The following KCNB2 variants were observed in gnomAD, a reference collection of about 807,000 sequenced individuals.
KCNB2 encodes the protein delayed rectifier potassium channel protein.
A neutral mutation model predicts 61.5 loss-of-function variants in KCNB2; 15 were observed. The observed-to-expected ratio is 0.24, with a 90% CI of 0.16 to 0.38. The LOEUF (loss-of-function observed/expected upper bound fraction) is 0.38. Among genes scored for constraint, KCNB2 ranks in the 10% least tolerant of loss-of-function variants. The probability of loss-of-function intolerance (pLI) is 1.00; values close to 1 mark genes in which losing one functional copy is unlikely to be tolerated. For synonymous variants in KCNB2, 457 were observed against 446.0 expected (o/e 1.02, Z -0.31); for missense variants, 828 against 1,125.2 (o/e 0.74, Z 3.78).
intron 2 of KCNB2, among the ~76,000 whole-genome samples, chr8:72,613,305 T>C (rs533281719): frequency 1.3e-5 from 2 of 152,316 alleles, no homozygotes; most frequent in East Asian, 3.9e-4. Context: ...GGCGATCACA[T>C]CTGGCCTCTG....
chr8:72,649,644 G>A (rs1806184119), intron 2 of KCNB2, among the ~76,000 whole-genome samples: 1 of 152,094 alleles, frequency 6.6e-6, no homozygotes, highest in African/African-American at 2.4e-5. Flanking sequence ...TCATCAATGA[G>A]AATAGATACT....
intron 2 of KCNB2, among the ~76,000 whole-genome samples, chr8:72,891,026 G>C (rs1278451636): frequency 6.6e-6 from 1 of 152,114 alleles, no homozygotes; most frequent in Non-Finnish European, 1.5e-5. Flanking sequence ...TTACATAAGC[G>C]AAGACTGAAT....
intron 2 of KCNB2, among the ~76,000 whole-genome samples, chr8:72,715,087 G>T (rs542745138): frequency 3.3e-5 from 5 of 152,278 alleles, no homozygotes; most frequent in Admixed American, 6.5e-5. Flanking sequence ...ATGGTAAAGG[G>T]ATCAATTCAA....
chr8:72,936,234 C>T lies in KCNB2; in HGVS notation c.879C>T (p.Phe293=). The T allele has an allele frequency of 6.2e-7, 1 of 1,614,236 alleles. No individual in the cohort carries two copies. Among genetic ancestry groups the T allele is most frequent in the African/African-American group, 1.3e-5 (1 of 75,068 alleles). Residue 293 remains phenylalanine, a synonymous_variant, in exon 3 of 3, where the codon TTC becomes TTT. Coordinates refer to ENST00000523207, the MANE Select transcript of KCNB2 (RefSeq NM_004770.3). The surrounding 1 kb of genome is among the most constrained non-coding windows in gnomAD (Gnocchi z 5.6). ...LTESNKSVLQ[F]QNVRRVVQIF... is the part of the protein sequence containing the mutation. ...AGTCCAACAAGAGCGTGCTGCAGTTCCAAAACGTGAGGCGCGTGGTCCAGA... is the reference window on the plus strand; with the variant it reads ...AGTCCAACAAGAGCGTGCTGCAGTTTCAAAACGTGAGGCGCGTGGTCCAGA...
At chr8:72,540,158 A>G (rs537816615) in intron 1 of KCNB2, among the ~76,000 whole-genome samples, 5 of 152,308 alleles carry the variant, frequency 3.3e-5, no homozygotes, top group African/African-American at 1.2e-4. Flanking sequence ...TTGTGAAAGT[A>G]GACCCAAATC....
At chr8:72,620,466 CAT>C (rs1220402989) in intron 2 of KCNB2, among the ~76,000 whole-genome samples, 3 of 152,178 alleles carry the variant, frequency 2.0e-5, no homozygotes, top group Non-Finnish European at 4.4e-5. Flanking sequence ...AATGAACTAA[CAT>C]GTGCAGGAGA....
intron 2 of KCNB2, among the ~76,000 whole-genome samples, chr8:72,706,238 G>T (rs62518109): frequency 3.3e-5 from 5 of 152,208 alleles, no homozygotes; most frequent in Non-Finnish European, 5.9e-5. Flanking sequence ...CTCAGCCAAA[G>T]TCCAGAGTTT....
At chr8:72,923,776 G>A (rs1404493788) in intron 2 of KCNB2, among the ~76,000 whole-genome samples, 1 of 152,110 alleles carries the variant, frequency 6.6e-6, no homozygotes, top group Non-Finnish European at 1.5e-5. Context: ...ATGTCAAATA[G>A]GACGTAATAA....
Position 72,937,473 on chromosome 8 carries a change from C to T in KCNB2, c.2118C>T (p.Gly706=). The change falls in exon 3 of 3, where the codon GGC becomes GGT. Residue 706 remains glycine, a synonymous_variant. Transcript: ENST00000523207. ...ATDSPKSSLK[G]SNPLKSRSLK... is the part of the protein sequence containing the mutation. ...ACAGTCCTAAGAGCTCTCTAAAAGG[C>T]AGCAACCCACTAAAGTCCAGATCCC... 1 of 1,613,898 alleles carries T rather than the reference C, an allele frequency of 6.2e-7. No individual in the cohort carries two copies. Among genetic ancestry groups the T allele is most frequent in the Non-Finnish European group, 8.5e-7 (1 of 1,179,986 alleles).
At chr8:72,646,287 T>G (rs998415159) in intron 2 of KCNB2, among the ~76,000 whole-genome samples, 9 of 152,182 alleles carry the variant, frequency 5.9e-5, no homozygotes, top group Non-Finnish European at 1.2e-4. Context: ...CTTACTGATA[T>G]TTAGTGCTTA....
intron 2 of KCNB2, among the ~76,000 whole-genome samples, chr8:72,680,426 A>G (rs1481792906): frequency 1.3e-5 from 2 of 152,198 alleles, no homozygotes; most frequent in Admixed American, 6.5e-5. Context: ...AGTAAAAGCA[A>G]CAATGCAGCC....
At chr8:72,652,964 C>T (rs139081596) in intron 2 of KCNB2, among the ~76,000 whole-genome samples, 149 of 152,192 alleles carry the variant, frequency 9.8e-4, no homozygotes, top group African/African-American at 3.4e-3. Flanking sequence ...CGTAGCCTGC[C>T]TCTCTCCTAG....
At chr8:72,900,859 C>A (rs1414929646) in intron 2 of KCNB2, among the ~76,000 whole-genome samples, 2 of 151,786 alleles carry the variant, frequency 1.3e-5, no homozygotes, top group Non-Finnish European at 2.9e-5. Context: ...ATTAGGAAGG[C>A]TGAAGAGAAA....
At chr8:72,677,656 G>T (rs1434020888) in intron 2 of KCNB2, among the ~76,000 whole-genome samples, 3 of 152,130 alleles carry the variant, frequency 2.0e-5, no homozygotes, top group Admixed American at 1.3e-4. Context: ...AGCAGCATTT[G>T]TTTGGCTACC....
chr8:72,590,419 AG>A (rs1238961390), intron 2 of KCNB2, among the ~76,000 whole-genome samples: 1 of 152,028 alleles, frequency 6.6e-6, no homozygotes, highest in Admixed American at 6.6e-5. Context: ...AATACCATTG[AG>A]CAAAAGGGCA....
At chr8:72,904,584 G>A (rs1806141892) in intron 2 of KCNB2, among the ~76,000 whole-genome samples, 1 of 152,032 alleles carries the variant, frequency 6.6e-6, no homozygotes, top group Non-Finnish European at 1.5e-5. Context: ...ACAAGAGAAA[G>A]AAAGATATAT....
At chr8:72,900,061 C>T (rs1237319980) in intron 2 of KCNB2, among the ~76,000 whole-genome samples, 1 of 152,052 alleles carries the variant, frequency 6.6e-6, no homozygotes, top group Non-Finnish European at 1.5e-5. Context: ...GCAAAAAGAA[C>T]AAAGCCAGAG....
chr8:72,886,409 A>C (rs1159599304), intron 2 of KCNB2, among the ~76,000 whole-genome samples: 1 of 152,254 alleles, frequency 6.6e-6, no homozygotes, highest in Non-Finnish European at 1.5e-5. Flanking sequence ...AAAGGGGAAC[A>C]AAGAACATGG....
chr8:72,588,743 A>AT (rs1419505912), intron 2 of KCNB2, among the ~76,000 whole-genome samples: 3 of 89,680 alleles, frequency 3.3e-5, no homozygotes, highest in East Asian at 4.2e-4. Flanking sequence ...TAAAAAATAA[A>AT]TAAAAAAAAA....
Sources: gnomAD v4.1 joint callset for allele counts (sites outside exome capture counted in the v4.1 genomes callset) on GRCh38, gnomAD v4.1.1 for gene constraint, Gnocchi (gnomAD v3.1) non-coding constraint, MANE v1.5 for transcripts, NCBI Gene and HGNC (gene_info 2026-07-23, HGNC 2026-07-21) for gene names.